Variants in DLC1 observed in about 807,000 individuals in gnomAD.
DLC1 encodes rho GTPase-activating protein 7.
A neutral mutation model predicts 140.3 loss-of-function variants in DLC1; 54 were observed. The ratio of observed to expected loss-of-function variants is 0.38; its 90% CI spans 0.31 to 0.48. DLC1 has a LOEUF of 0.48. Among genes scored for constraint, DLC1 ranks in the 20% least tolerant of loss-of-function variants. The probability of loss-of-function intolerance (pLI) is 0.96; values close to 1 mark genes in which losing one functional copy is unlikely to be tolerated. For missense variants in DLC1, 2,536 were observed against 1,907.0 expected (o/e 1.33, Z -6.14); for synonymous variants, 986 against 728.1 (o/e 1.35, Z -5.70).
At chr8:13,451,607 G>C (rs1180329532) in intron 2 of DLC1, among the ~76,000 whole-genome samples, 1 of 152,112 alleles carries the variant, frequency 6.6e-6, no homozygotes, top group East Asian at 1.9e-4. Context: ...AAATAAGTGA[G>C]AACATGTAAT....
chr8:13,539,367 T>C (rs557315914), intron 1 of DLC1, among the ~76,000 whole-genome samples: 6 of 152,134 alleles, frequency 3.9e-5, no homozygotes, highest in African/African-American at 7.2e-5. Context: ...ACCCAGCTAA[T>C]TTTTTTGTAT....
At chr8:13,455,147 C>A (rs1350402174) in intron 2 of DLC1, among the ~76,000 whole-genome samples, 1 of 152,014 alleles carries the variant, frequency 6.6e-6, no homozygotes, top group East Asian at 1.9e-4. Flanking sequence ...CAAAATGATT[C>A]TTTTTTATTT....
At chr8:13,443,642 A>G (rs900281020) in intron 2 of DLC1, among the ~76,000 whole-genome samples, 2 of 146,374 alleles carry the variant, frequency 1.4e-5, no homozygotes, top group Non-Finnish European at 3.0e-5. Flanking sequence ...TAGGCAACAC[A>G]GCGAGACTCC....
chr8:13,214,572 TTTG>T, intron 5 of DLC1: 17 of 665,514 alleles, frequency 2.6e-5, no homozygotes, highest in South Asian at 7.4e-5. Context: ...TTTTTTTTTT[TTTG>T]TGGCTGCCCG....
chr8:13,284,253 G>A (rs910387928), intron 5 of DLC1, among the ~76,000 whole-genome samples: 8 of 152,130 alleles, frequency 5.3e-5, no homozygotes, highest in African/African-American at 9.7e-5. Flanking sequence ...ACGGCCTGGC[G>A]CGGTGGCTCA....
chr8:13,486,232 G>C (rs1398518386), intron 2 of DLC1, among the ~76,000 whole-genome samples: 2 of 152,080 alleles, frequency 1.3e-5, no homozygotes, highest in Non-Finnish European at 2.9e-5. Flanking sequence ...GAAACCAGGA[G>C]AAACGTAGAA....
Position 13,499,010 on chromosome 8 carries a change from A to G in DLC1, c.1023+39T>C, listed in dbSNP as rs770644543. On this transcript the variant is annotated intron_variant, in intron 2 of 17. Coordinates refer to ENST00000276297, the MANE Select transcript of DLC1 (RefSeq NM_182643.3). ...AACTGATAAATCCAAGGATATTTACAAAATTTCAAAAGCCAGAGAATCTGT... is the reference window on the plus strand; with the variant it reads ...AACTGATAAATCCAAGGATATTTACGAAATTTCAAAAGCCAGAGAATCTGT... 2.6e-6 allele frequency: 4 copies of G among 1,535,800 alleles called. No individual in the cohort carries two copies. The South Asian group carries it at 5.2e-5, about 20-fold the overall frequency.
At chr8:13,401,314 T>C (rs918487695) in intron 3 of DLC1, among the ~76,000 whole-genome samples, 156 bp downstream of exon 3, 21 of 152,238 alleles carry the variant, frequency 1.4e-4, no homozygotes, top group African/African-American at 5.1e-4. Context: ...AATGTATGCA[T>C]GATGCATAGA....
intron 4 of DLC1, among the ~76,000 whole-genome samples, chr8:13,364,641 A>G (rs1310744037): frequency 3.9e-5 from 6 of 152,104 alleles, no homozygotes; most frequent in African/African-American, 1.2e-4. Context: ...CTGACCCTAC[A>G]TACTGGTACA....
chr8:13,125,672 C>T (rs568925386), intron 5 of DLC1, among the ~76,000 whole-genome samples: 1 of 152,200 alleles, frequency 6.6e-6, no homozygotes, highest in South Asian at 2.1e-4. Flanking sequence ...TGTAAATCAC[C>T]ATACTGGTTT....
chr8:13,355,693 A>G (rs926043808), intron 4 of DLC1, among the ~76,000 whole-genome samples: 1 of 152,182 alleles, frequency 6.6e-6, no homozygotes, highest in Non-Finnish European at 1.5e-5. Flanking sequence ...CCATTGCACA[A>G]TCACTGTAGA....
intron 4 of DLC1, among the ~76,000 whole-genome samples, chr8:13,348,136 T>C (rs913446969): frequency 1.3e-5 from 2 of 151,276 alleles, no homozygotes; most frequent in South Asian, 4.2e-4. Flanking sequence ...CTGGAGAAGA[T>C]ACCAGATACC....
At position 13,085,645 on chromosome 8, in the gene DLC1, C is replaced by A; in HGVS notation, c.*166G>T. ...TCTATGAATACAGACCCTCAACAAA[C>A]AGGAAGCAGCTTTAAAAATGTATCA... On this transcript the variant is annotated 3_prime_UTR_variant, in exon 18 of 18. Transcript: ENST00000276297. The A allele has an allele frequency of 1.0e-6, 1 of 1,002,460 alleles. No individual in the cohort carries two copies. Among genetic ancestry groups the A allele is most frequent in the Non-Finnish European group, 1.4e-6 (1 of 723,808 alleles). The allele number at this position is 1,002,460 out of a possible 1,614,324, so 62.1% of individuals were successfully genotyped here. A position where few individuals can be genotyped will look rare whatever the true frequency, so the allele number is the denominator to read the frequency against.
chr8:13,182,348 G>T (rs913393778), intron 5 of DLC1, among the ~76,000 whole-genome samples: 1 of 151,946 alleles, frequency 6.6e-6, no homozygotes. Flanking sequence ...GTCTATTTTG[G>T]CTTTTGTTGC....
At chr8:13,374,655 C>A (rs1045705385) in intron 4 of DLC1, among the ~76,000 whole-genome samples, 3 of 152,042 alleles carry the variant, frequency 2.0e-5, no homozygotes, top group African/African-American at 7.2e-5. Context: ...TGGTAGTATG[C>A]GCCTGTAATC....
chr8:13,384,324 C>A (rs1296512813), intron 4 of DLC1, among the ~76,000 whole-genome samples: 1 of 137,480 alleles, frequency 7.3e-6, no homozygotes, highest in Non-Finnish European at 1.7e-5. Flanking sequence ...AATCTTCCCT[C>A]GATGCAGGTA....
chr8:13,569,897 A>G (rs1208385710), intron 1 of DLC1, among the ~76,000 whole-genome samples: 2 of 151,920 alleles, frequency 1.3e-5, no homozygotes, highest in East Asian at 3.9e-4. Flanking sequence ...AAATTTCTTT[A>G]TTTGTATTTT....
chr8:13,466,561 G>A (rs1485566681), intron 2 of DLC1, among the ~76,000 whole-genome samples: 1 of 152,138 alleles, frequency 6.6e-6, no homozygotes, highest in Non-Finnish European at 1.5e-5. Context: ...CAGATACTTA[G>A]ATACTAGGCC....
intron 1 of DLC1, chr8:13,566,879 C>A (rs1315325655): frequency 7.3e-7 from 1 of 1,367,074 alleles, no homozygotes; most frequent in Non-Finnish European, 9.7e-7. Flanking sequence ...AAGACGACCT[C>A]CGCAGAGCTG....
Sources: allele counts gnomAD v4.1 joint callset (sites outside exome capture counted in the v4.1 genomes callset), GRCh38; gene constraint gnomAD v4.1.1; transcripts MANE v1.5; gene names NCBI Gene and HGNC (gene_info 2026-07-23, HGNC 2026-07-21).